The following TM9SF1 variants were observed in gnomAD, a reference collection of about 807,000 sequenced individuals.
TM9SF1 encodes the protein MP70 protein family member.
A neutral mutation model predicts 52.4 loss-of-function variants in TM9SF1; 25 were observed. The ratio of observed to expected loss-of-function variants is 0.48; its 90% confidence interval spans 0.35 to 0.67. The LOEUF (loss-of-function observed/expected upper bound fraction) is 0.67, where lower values mean the gene tolerates loss of function less well. Among genes scored for constraint, TM9SF1 ranks in the 30% least tolerant of loss-of-function variants. TM9SF1 has a pLI of 0.01. For synonymous variants in TM9SF1, 284 were observed against 299.8 expected, an observed-to-expected ratio of 0.95 and a Z score of 0.55; for missense variants, 604 against 780.3, an observed-to-expected ratio of 0.77 and a Z score of 2.69.
chr14:24,195,386 G>A lies in TM9SF1; in HGVS notation c.-58C>T. On this transcript the variant is annotated 5_prime_UTR_variant, in exon 1 of 6. Coordinates refer to ENST00000261789, the MANE Select transcript of TM9SF1 (RefSeq NM_006405.7). ...GGCCGAGGCGGCGCCAGCGGCCTTC[G>A]CGCCCCCGTAGCTGCCTTTGGGCTC... 4.3e-6 allele frequency: 1 copy of A among 233,442 alleles called. No homozygotes were observed. Among genetic ancestry groups the A allele is most frequent in the East Asian group, 9.7e-5 (1 of 10,310 alleles). The allele number at this position is 233,442 out of a possible 1,614,324, so 14.5% of individuals were successfully genotyped here.
intron 5 of TM9SF1, 142 bp downstream of exon 5, chr14:24,190,238 T>C (rs763697096): frequency 6.6e-5 from 98 of 1,489,784 alleles, no homozygotes; most frequent in African/African-American, 1.3e-4. Flanking sequence ...TGCTTGGGGA[T>C]AGGAGGAACC....
intron 1 of TM9SF1, 94 bp downstream of exon 1, chr14:24,195,252 G>A (rs1263966060): frequency 3.6e-6 from 2 of 551,760 alleles, no homozygotes; most frequent in South Asian, 2.3e-5. Context: ...CGTCTGGCCC[G>A]GGGCCTCTAC....
At chr14:24,191,873 T>C in intron 4 of TM9SF1, 1 of 317,804 alleles carries the variant, frequency 3.1e-6, no homozygotes, top group East Asian at 6.2e-5. Flanking sequence ...AGTGGTGCAA[T>C]CATGGCTCAC....
chr14:24,194,008 C>T (rs1320021949), intron 2 of TM9SF1, among the ~76,000 whole-genome samples: 2 of 152,036 alleles, frequency 1.3e-5, no homozygotes, highest in East Asian at 1.9e-4. Context: ...GGGGTTATCC[C>T]GTGCACTGTA....
rs1236078926 is a variant in TM9SF1 at position 24,189,598 on chromosome 14, G to A, written c.1638C>T (p.Ile546=). The part of the protein sequence containing the change: ...VLSVGSTGLF[I]FLYSVFYYAR... ...CATAATAGAAAACTGAGTAGAGGAA[G>A]ATGAAGAGGCCGGTGGAGCCAACAC... is the stretch of plus-strand genomic sequence containing the variant. The change falls in exon 6 of 6, where the codon ATC becomes ATT. Residue 546 remains isoleucine, a synonymous_variant. Transcript: ENST00000261789. 1 of 1,614,132 alleles carries A rather than the reference G, an allele frequency of 6.2e-7. No homozygotes were observed. Among genetic ancestry groups the A allele is most frequent in the East Asian group, 2.2e-5 (1 of 44,886 alleles).
Position 24,192,106 on chromosome 14 carries a change from C to A in TM9SF1, c.1153+65G>T. 1 of 1,535,466 alleles carries A rather than the reference C, an allele frequency of 6.5e-7. No homozygotes were observed. Among genetic ancestry groups the A allele is most frequent in the South Asian group, 1.1e-5 (1 of 88,610 alleles). ...GGATTACAGGTGTGAGCCACTGTGA[C>A]CAGCCACAATGTGTTCTTCATTCCT... On this transcript the variant is annotated intron_variant, in intron 4 of 5. Transcript: ENST00000261789. This position sits in a 1 kb window ranked among gnomAD's most constrained non-coding sequence, Gnocchi z 4.0.
Position 24,192,427 on chromosome 14 carries a change from GC to G in TM9SF1, c.968-72del, listed in dbSNP as rs3215724. On this transcript the variant is annotated intron_variant, in intron 3 of 5. Transcript: ENST00000261789. The surrounding 1 kb of genome is among the most constrained non-coding windows in gnomAD (Gnocchi z 4.0). ...TCTTCTAGCAATTTCAGAGGAATCA[GC>G]CCCCCTTCTCCCAGACCCAGGGCCT... is the stretch of plus-strand genomic sequence containing the variant. 198,905 of 1,524,558 alleles carry G rather than the reference GC, an allele frequency of 0.13. 13,874 individuals carry two copies. Among genetic ancestry groups the G allele is most frequent in the South Asian group, 0.2 (16,763 of 84,692 alleles). The allele number at this position is 1,524,558 out of a possible 1,614,324, so 94.4% of individuals were successfully genotyped here. A position where few individuals can be genotyped will look rare whatever the true frequency, so the allele number is the denominator to read the frequency against.
At chr14:24,194,617 A>C in intron 2 of TM9SF1, 58 bp downstream of exon 2, 1 of 1,456,820 alleles carries the variant, frequency 6.9e-7, no homozygotes. Context: ...CATAAATGTA[A>C]GGCACTGTTA....
Position 24,190,627 on chromosome 14 carries a change from C to A in TM9SF1, c.1180G>T (p.Val394Leu). The A allele has an allele frequency of 6.2e-7, 1 of 1,613,406 alleles. No individual in the cohort carries two copies. Among genetic ancestry groups the A allele is most frequent in the Non-Finnish European group, 8.5e-7 (1 of 1,179,540 alleles). Residue 394 changes from valine (V) to leucine (L), a missense_variant, in exon 5 of 6, where the codon GTG becomes TTG. Around this residue, in one of 3 missense-constraint regions of TM9SF1, gnomAD observed 450 missense variants for 560.1 expected, o/e 0.80. Coordinates refer to ENST00000261789, the MANE Select transcript of TM9SF1 (RefSeq NM_006405.7). ...SVPFFLTWSV[V>L]NSVHWANGST... is the part of the protein sequence containing the mutation. The stretch of plus-strand genomic sequence containing the variant: ...CCATTGGCCCAATGCACTGAGTTCA[C>A]CACACTCCACGTCAGGAAGAAAGGC...
At position 24,192,399 on chromosome 14, in the gene TM9SF1, G is replaced by A. The variant is rs200901309; in HGVS notation, c.968-43C>T. On this transcript the variant is annotated intron_variant, in intron 3 of 5. Coordinates refer to ENST00000261789, the MANE Select transcript of TM9SF1 (RefSeq NM_006405.7). This position sits in a 1 kb window ranked among gnomAD's most constrained non-coding sequence, Gnocchi z 4.0. ...AAAGCCCAAGTTAGGCCTCACCTGTGTCTCTTCTAGCAATTTCAGAGGAAT... is the reference window on the plus strand; with the variant it reads ...AAAGCCCAAGTTAGGCCTCACCTGTATCTCTTCTAGCAATTTCAGAGGAAT... The A allele has an allele frequency of 6.3e-7, 1 of 1,585,594 alleles. No homozygotes were observed. Among genetic ancestry groups the A allele is most frequent in the Non-Finnish European group, 8.6e-7 (1 of 1,160,226 alleles).
chr14:24,189,705 C>A lies in TM9SF1; in HGVS notation c.1531G>T (p.Val511Leu). ...AGTGCAATGGAGATGCAAGCCCCCA[C>A]ACTCAGCAGGATGGCGAAGACAAAG... ...LFFVFAILLS[V>L]GACISIALTY... The change falls in exon 6 of 6, where the codon GTG (valine) becomes TTG (leucine). Residue 511 changes from valine to leucine, a missense_variant. Physicochemically the swap from Val to Leu is conservative, Grantham distance 32. This residue lies in a region of TM9SF1 where 107 missense variants were observed against 180.5 expected (regional missense o/e 0.59). Coordinates refer to ENST00000261789, the MANE Select transcript of TM9SF1 (RefSeq NM_006405.7). The A allele has an allele frequency of 6.2e-7, 1 of 1,614,214 alleles. No individual in the cohort carries two copies. The highest frequency in any genetic ancestry group is 8.5e-7 in the Non-Finnish European group (1 of 1,180,024).
In TM9SF1 at chr14:24,192,144, G is replaced by A; in HGVS notation, c.1153+27C>T. On this transcript the variant is annotated intron_variant, in intron 4 of 5. Coordinates refer to ENST00000261789, the MANE Select transcript of TM9SF1 (RefSeq NM_006405.7). This position sits in a 1 kb window ranked among gnomAD's most constrained non-coding sequence, Gnocchi z 4.0. Reference sequence around the variant, plus strand: ...GTTCTTCATTCCTAAGTCCAGAAAGGCCCACCAGGGAAAGGAAAGTCCTCA... The same window carrying A: ...GTTCTTCATTCCTAAGTCCAGAAAGACCCACCAGGGAAAGGAAAGTCCTCA... 1 of 1,610,064 alleles carries A rather than the reference G, an allele frequency of 6.2e-7. No homozygotes were observed. The highest frequency in any genetic ancestry group is 8.5e-7 in the Non-Finnish European group (1 of 1,176,358).
At chr14:24,193,338 C>T (rs1321959354) in intron 2 of TM9SF1, 69 bp from the exon 3 acceptor site, 4 of 1,477,084 alleles carry the variant, frequency 2.7e-6, no homozygotes, top group East Asian at 2.3e-5. Context: ...CAAAGTTTCT[C>T]ACCTTCAGCA....
chr14:24,192,956 C>A lies in TM9SF1; in HGVS notation c.659G>T (p.Arg220Leu). The A allele has an allele frequency of 6.2e-7, 1 of 1,614,044 alleles. No individual in the cohort carries two copies. The highest frequency in any genetic ancestry group is 8.5e-7 in the Non-Finnish European group (1 of 1,179,938). ...AAAGAAACCACCATCGTCACCACGG[C>A]GCCTGTCACTCCGACGCTCCACTGA... ...ETSVERRSDR[R>L]RGDDGGFFPR... is the part of the protein sequence containing the mutation. Residue 220 changes from arginine (R) to leucine (L), a missense_variant, in exon 3 of 6, where the codon CGC (arginine) becomes CTC (leucine). By Grantham distance (102) the Arg-to-Leu change is moderately radical (BLOSUM62 -2). Around this residue, in one of 3 missense-constraint regions of TM9SF1, gnomAD observed 450 missense variants for 560.1 expected, o/e 0.80. Transcript: ENST00000261789. This position sits in a 1 kb window ranked among gnomAD's most constrained non-coding sequence, Gnocchi z 4.0.
In TM9SF1 at chr14:24,194,709, C is replaced by A; in HGVS notation, c.311G>T (p.Arg104Ile). 6.2e-7 allele frequency: 1 copy of A among 1,614,164 alleles called. No homozygotes were observed. The change falls in exon 2 of 6, where the codon AGA becomes ATA. Residue 104 changes from arginine (R) to isoleucine (I), a missense_variant. Arg to Ile is a moderately conservative substitution (Grantham distance 97, BLOSUM62 -3). Around this residue, in one of 3 missense-constraint regions of TM9SF1, gnomAD observed 450 missense variants for 560.1 expected, o/e 0.80. Transcript: ENST00000261789. The stretch of plus-strand genomic sequence containing the variant: ...ACTGAGCTGCATGTGGCACAGAATT[C>A]TCTTCTCCACGTTTTCCCGAAAGCG... ...EIRFRENVEK[R>I]ILCHMQLSSA...
chr14:24,194,774 C>G lies in TM9SF1; in HGVS notation c.246G>C (p.Val82=), dbSNP rs773157234. The G allele has an allele frequency of 6.2e-7, 1 of 1,614,240 alleles. No homozygotes were observed. The highest frequency in any genetic ancestry group is 1.7e-5 in the Admixed American group (1 of 60,028). Reference sequence around the variant, plus strand: ...ACTCAGCCATTCGGTCCCCATCCAGCACTTCACCCAGGCTAAGGCTTTTGT... The same window carrying G: ...ACTCAGCCATTCGGTCCCCATCCAGGACTTCACCCAGGCTAAGGCTTTTGT... ...IRHKSLSLGE[V]LDGDRMAESL... The change falls in exon 2 of 6, where the codon GTG becomes GTC. Residue 82 remains valine, a synonymous_variant. Coordinates refer to ENST00000261789, the MANE Select transcript of TM9SF1 (RefSeq NM_006405.7).
rs749410586 is a variant in TM9SF1 at position 24,193,186 on chromosome 14, G to C, written c.429C>G (p.Gly143=). The C allele has an allele frequency of 1.2e-6, 2 of 1,613,964 alleles. No individual in the cohort carries two copies. The highest frequency in any genetic ancestry group is 2.7e-5 in the African/African-American group (2 of 74,880). The change falls in exon 3 of 6, where the codon GGC becomes GGG. Residue 143 remains glycine, a synonymous_variant. Coordinates refer to ENST00000261789, the MANE Select transcript of TM9SF1 (RefSeq NM_006405.7). The stretch of plus-strand genomic sequence containing the variant: ...GCAGGAAACCACTCTCCTCCATGTA[G>C]CCCACAAAGCCCCGGATTGGCAAGT... ...VDDLPIRGFV[G]YMEESGFLPH...
rs1566648126 is a variant in TM9SF1 at position 24,190,663 on chromosome 14, T to C, written c.1154-10A>G. On this transcript the variant is annotated splice_polypyrimidine_tract_variant and intron_variant, in intron 4 of 5. Coordinates refer to ENST00000261789, the MANE Select transcript of TM9SF1 (RefSeq NM_006405.7). The stretch of plus-strand genomic sequence containing the variant: ...GTCAGGAAGAAAGGCACTGCAGGGA[T>C]GGGCCCCCGGAGGGAGGGTCAACAC... 1 of 1,602,210 alleles carries C rather than the reference T, an allele frequency of 6.2e-7. No homozygotes were observed. The highest frequency in any genetic ancestry group is 1.1e-5 in the South Asian group (1 of 89,910).
At chr14:24,191,473 C>T (rs1482692049) in intron 4 of TM9SF1, among the ~76,000 whole-genome samples, 1 of 152,212 alleles carries the variant, frequency 6.6e-6, no homozygotes, top group South Asian at 2.1e-4. Context: ...AGTGGGCCCA[C>T]CTTCAAAATA....
Sources: gnomAD v4.1 joint callset for allele counts (sites outside exome capture counted in the v4.1 genomes callset) on GRCh38, gnomAD v4.1.1 for gene constraint, gnomAD v4.1.1 regional missense constraint, Gnocchi (gnomAD v3.1) non-coding constraint, MANE v1.5 for transcripts, NCBI Gene and HGNC (gene_info 2026-07-23, HGNC 2026-07-21) for gene names.